The following PCDHA1 variants were observed in gnomAD, a reference collection of about 807,000 sequenced individuals.
The protein encoded by PCDHA1 is protocadherin alpha 1, also known as protocadherin alpha-1.
Under a neutral mutation model 61.3 loss-of-function variants are expected in PCDHA1, and 42 were observed. That is an observed-to-expected ratio of 0.69 (90% CI 0.54 to 0.89). The LOEUF (loss-of-function observed/expected upper bound fraction) is 0.89. Among genes scored for constraint, PCDHA1 ranks in the 40% least tolerant of loss-of-function variants. PCDHA1 has a pLI of 0.00. For synonymous variants in PCDHA1, 610 were observed against 553.8 expected, an observed-to-expected ratio of 1.10 and a Z score of -1.43; for missense variants, 1,256 against 1,235.3, an observed-to-expected ratio of 1.02 and a Z score of -0.25.
intron 1 of PCDHA1, chr5:140,823,159 T>A: frequency 6.2e-7 from 1 of 1,613,740 alleles, no homozygotes; most frequent in Non-Finnish European, 8.5e-7. Context: ...GTATACCGTG[T>A]TCGTGAAGGA....
At chr5:140,837,511 G>A (rs1335097431) in intron 1 of PCDHA1, among the ~76,000 whole-genome samples, 2 of 96,626 alleles carry the variant, frequency 2.1e-5, no homozygotes, top group Non-Finnish European at 4.1e-5. Context: ...TTCTGAAGCA[G>A]TTTACTTTTT....
chr5:140,871,022 A>ACT, intron 1 of PCDHA1: 1 of 1,613,114 alleles, frequency 6.2e-7, no homozygotes, highest in Non-Finnish European at 8.5e-7. Flanking sequence ...GACGAGGCAG[A>ACT]CTCGCCGCGC....
intron 1 of PCDHA1, chr5:140,928,032 T>C (rs369075554): frequency 6.2e-7 from 1 of 1,614,216 alleles, no homozygotes; most frequent in African/African-American, 1.3e-5. Flanking sequence ...GTGGCATGTC[T>C]AGTGCAGGCC....
Position 140,828,509 on chromosome 5 carries a change from G to C in PCDHA1, c.2394+39825G>C, listed in dbSNP as rs2150156220. 7.7e-5 allele frequency: 125 copies of C among 1,614,278 alleles called. 6 individuals are homozygous for C. The South Asian group carries it at 1.4e-3, about 18-fold the overall frequency. ...CTTGTTCCCGGTAGAGGAACAAAGAGTGCTGATTTACGAATCTAGGCTGCC... is the reference window on the plus strand; with the variant it reads ...CTTGTTCCCGGTAGAGGAACAAAGACTGCTGATTTACGAATCTAGGCTGCC... On this transcript the variant is annotated intron_variant, in intron 1 of 3. Transcript: ENST00000504120.
intron 1 of PCDHA1, chr5:140,847,657 A>C (rs1362536934): frequency 3.3e-5 from 5 of 149,954 alleles, no homozygotes; most frequent in South Asian, 2.1e-4. Context: ...TTATTCATAG[A>C]TTATAAAGCT....
chr5:140,826,085 A>C (rs1768809113), intron 1 of PCDHA1, among the ~76,000 whole-genome samples: 1 of 152,198 alleles, frequency 6.6e-6, no homozygotes, highest in African/African-American at 2.4e-5. Flanking sequence ...CAATTTTATA[A>C]GTACCCTTCT....
chr5:140,829,124 G>A, intron 1 of PCDHA1: 1 of 1,612,404 alleles, frequency 6.2e-7, no homozygotes, highest in Non-Finnish European at 8.5e-7. Context: ...GGATAAAAAT[G>A]ATAACGTCCC....
chr5:141,000,421 ATTTTTT>A (rs34755515), intron 3 of PCDHA1, among the ~76,000 whole-genome samples: 34 of 27,962 alleles, frequency 1.2e-3, no homozygotes, highest in East Asian at 9.9e-3. Context: ...ATATATATAT[ATTTTTT>A]TTTTTTTTTT....
At position 141,006,497 on chromosome 5, in the gene PCDHA1, G is replaced by C. The variant is rs575942325; in HGVS notation, c.2543-3130G>C. Among the ~76,000 whole-genome samples the C allele has an allele frequency of 2.6e-5, 4 of 152,288 alleles. No homozygotes were observed. In the South Asian group the frequency reaches 8.3e-4, roughly 32 times the overall value. ...CAAAGTGCTGGGATTACATGTGTGA[G>C]CCACCGCGCCTGGCTGTTATACATC... On this transcript the variant is annotated intron_variant, in intron 3 of 3. Transcript: ENST00000504120.
Position 140,786,361 on chromosome 5 carries a change from G to C in PCDHA1, c.71G>C (p.Trp24Ser). ...LLLWLLLLAAWEVGSGQLHYS... is the reference protein window; with the variant it reads ...LLLWLLLLAASEVGSGQLHYS... The stretch of plus-strand genomic sequence containing the variant: ...CTTTGGCTTCTGCTCCTCGCAGCCT[G>C]GGAGGTGGGGAGCGGCCAGCTCCAC... Residue 24 changes from tryptophan (W) to serine (S), a missense_variant, in exon 1 of 4, where the codon TGG (tryptophan) becomes TCG (serine). Coordinates refer to ENST00000504120, the MANE Select transcript of PCDHA1 (RefSeq NM_018900.4). 1 of 1,613,882 alleles carries C rather than the reference G, an allele frequency of 6.2e-7. No homozygotes were observed.
chr5:140,944,463 A>C (rs2093660880), intron 1 of PCDHA1, among the ~76,000 whole-genome samples: 1 of 152,198 alleles, frequency 6.6e-6, no homozygotes, highest in Admixed American at 6.5e-5. Flanking sequence ...CTGGGATTAC[A>C]GGTATGAGGC....
chr5:140,890,528 C>T (rs1329794711), intron 1 of PCDHA1, among the ~76,000 whole-genome samples: 3 of 152,060 alleles, frequency 2.0e-5, no homozygotes, highest in South Asian at 2.1e-4. Flanking sequence ...CTTTGTTGAT[C>T]TTCTTTTGAA....
At position 140,972,838 on chromosome 5, in the gene PCDHA1, A is replaced by G. The variant is rs181315236; in HGVS notation, c.2395-6111A>G. Among the ~76,000 whole-genome samples the G allele has an allele frequency of 2.0e-4, 30 of 151,814 alleles. No individual in the cohort carries two copies. In the East Asian group the frequency reaches 5.8e-3, roughly 30 times the overall value. The stretch of plus-strand genomic sequence containing the variant: ...GCCACCACGCCTGGCTAATTTTTGT[A>G]TTTTTAGTAGAGATGGGGTTTCATC... On this transcript the variant is annotated intron_variant, in intron 1 of 3. Transcript: ENST00000504120.
At chr5:140,991,422 T>G (rs140209692) in intron 3 of PCDHA1, among the ~76,000 whole-genome samples, 7 of 152,330 alleles carry the variant, frequency 4.6e-5, no homozygotes, top group Admixed American at 1.3e-4. Context: ...TATAACAAAT[T>G]AACCATAAAC....
At chr5:140,902,861 G>A (rs782302668) in intron 1 of PCDHA1, among the ~76,000 whole-genome samples, 21 of 152,088 alleles carry the variant, frequency 1.4e-4, no homozygotes, top group Admixed American at 5.2e-4. Context: ...TGGCGTCCAG[G>A]TCCACCCAAG....
intron 1 of PCDHA1, chr5:140,801,504 A>G: frequency 6.2e-7 from 1 of 1,614,170 alleles, no homozygotes; most frequent in Non-Finnish European, 8.5e-7. Flanking sequence ...CGCGGAGTGC[A>G]GCATCCACCT....
chr5:140,806,923 A>T, intron 1 of PCDHA1: 1 of 511,650 alleles, frequency 2.0e-6, no homozygotes, highest in Non-Finnish European at 3.4e-6. Context: ...TAATAAATAA[A>T]ACCAAGTAGT....
chr5:140,886,076 A>C (rs1554182342), intron 1 of PCDHA1, among the ~76,000 whole-genome samples: 3 of 152,198 alleles, frequency 2.0e-5, no homozygotes, highest in African/African-American at 7.2e-5. Flanking sequence ...GGGCCATACC[A>C]CAACCTGGAT....
At chr5:140,925,114 G>T (rs1341892158) in intron 1 of PCDHA1, among the ~76,000 whole-genome samples, 2 of 151,122 alleles carry the variant, frequency 1.3e-5, no homozygotes, top group East Asian at 3.9e-4. Context: ...AGGAGGGAAG[G>T]AAGGAAGGAA....
Sources: gnomAD v4.1 joint callset for allele counts (sites outside exome capture counted in the v4.1 genomes callset) on GRCh38, gnomAD v4.1.1 for gene constraint, MANE v1.5 for transcripts, NCBI Gene and HGNC (gene_info 2026-07-23, HGNC 2026-07-21) for gene names.